STXBP3: variants seen among roughly 807,000 people sequenced by gnomAD.
The protein encoded by STXBP3 is syntaxin binding protein 3, also known as syntaxin-binding protein 3.
A neutral mutation model predicts 85.7 loss-of-function variants in STXBP3; 41 were observed. That is an observed-to-expected ratio of 0.48 (90% CI 0.37 to 0.62). STXBP3 has a LOEUF of 0.62. Among genes scored for constraint, STXBP3 ranks in the 20% least tolerant of loss-of-function variants. The probability of loss-of-function intolerance (pLI) is 0.00; values close to 1 mark genes in which losing one functional copy is unlikely to be tolerated. For missense variants in STXBP3, 563 were observed against 703.1 expected, an observed-to-expected ratio of 0.80 and a Z score of 2.25; for synonymous variants, 229 against 231.7, an observed-to-expected ratio of 0.99 and a Z score of 0.10.
chr1:108,760,141 CT>C (rs1230886181), intron 6 of STXBP3, 56 bp downstream of exon 6: 1 of 991,860 alleles, frequency 1.0e-6, no homozygotes. Flanking sequence ...GGTTTTATGG[CT>C]TATTGTTAAT....
chr1:108,779,161 G>T (rs753267532), intron 8 of STXBP3, 125 bp from the exon 9 acceptor site: 49 of 984,390 alleles, frequency 5.0e-5, no homozygotes, highest in Admixed American at 1.3e-4. Flanking sequence ...TTGTTCTGTT[G>T]TATGTTTTTG....
chr1:108,807,581 T>C (rs772382358), intron 18 of STXBP3, 32 bp downstream of exon 18: 2 of 1,551,704 alleles, frequency 1.3e-6, no homozygotes, highest in Non-Finnish European at 1.7e-6. Flanking sequence ...TTTCTGTTTT[T>C]TTTTTTTTTT....
At chr1:108,764,527 G>A (rs562045430) in intron 6 of STXBP3, among the ~76,000 whole-genome samples, 10 of 152,118 alleles carry the variant, frequency 6.6e-5, no homozygotes, top group East Asian at 1.9e-4. Context: ...GAATGTGAGC[G>A]TTGCCTTTTC....
intron 7 of STXBP3, 142 bp downstream of exon 7, chr1:108,772,961 T>C: frequency 1.3e-6 from 1 of 783,496 alleles, no homozygotes; most frequent in African/African-American, 1.8e-5. Flanking sequence ...ATAGGAGATT[T>C]AAAGCTTGTG....
At chr1:108,768,137 ATATT>A (rs1246844477) in intron 6 of STXBP3, among the ~76,000 whole-genome samples, 2 of 152,166 alleles carry the variant, frequency 1.3e-5, no homozygotes, top group African/African-American at 2.4e-5. Context: ...CTCTTTTTAA[ATATT>A]TATTTATTTG....
chr1:108,796,525 A>G, intron 14 of STXBP3, 95 bp from the exon 15 acceptor site: 2 of 1,261,462 alleles, frequency 1.6e-6, no homozygotes, highest in Non-Finnish European at 2.2e-6. Context: ...ACTGTTTTTT[A>G]TTTTAAAAGC....
chr1:108,777,175 G>T (rs1289259818), intron 8 of STXBP3, among the ~76,000 whole-genome samples: 1 of 152,066 alleles, frequency 6.6e-6, no homozygotes, highest in Non-Finnish European at 1.5e-5. Flanking sequence ...GTTTAGAAGA[G>T]GAGTTGTGCC....
chr1:108,786,677 A>C (rs1662837113), intron 11 of STXBP3, among the ~76,000 whole-genome samples: 2 of 152,204 alleles, frequency 1.3e-5, no homozygotes, highest in African/African-American at 4.8e-5. Flanking sequence ...CACTGTCTTA[A>C]CTAGTGTACC....
intron 15 of STXBP3, among the ~76,000 whole-genome samples, chr1:108,797,868 T>A (rs1358518894): frequency 6.6e-6 from 1 of 152,138 alleles, no homozygotes; most frequent in East Asian, 1.9e-4. Flanking sequence ...CCCTAGTAGC[T>A]GGGACTACAG....
intron 6 of STXBP3, among the ~76,000 whole-genome samples, chr1:108,762,984 T>C (rs1662172114): frequency 6.6e-6 from 1 of 152,206 alleles, no homozygotes; most frequent in African/African-American, 2.4e-5. Flanking sequence ...ACACATTCAG[T>C]GTTACAGCAA....
rs777375722 is a variant in STXBP3, at chr1:108,807,438, C to T, written c.1573C>T (p.Arg525Ter). The T allele has an allele frequency of 1.2e-6, 2 of 1,609,702 alleles. No homozygotes were observed. Among genetic ancestry groups the T allele is most frequent in the East Asian group, 2.2e-5 (1 of 44,824 alleles). The change falls in exon 18 of 19, where the codon CGA (arginine) becomes TGA (stop). Residue 525 changes from arginine to a stop codon, truncating the protein, a stop_gained. Transcript: ENST00000370008. LOFTEE classifies it high-confidence loss of function. ...QKPRANYLED[R>*]KNGSKLIVFV... is the part of the protein sequence containing the mutation. The stretch of plus-strand genomic sequence containing the variant: ...ACCCAGAGCTAATTATTTAGAAGAC[C>T]GAAAAAATGGGTCAAAGCTGATTGT...
intron 6 of STXBP3, among the ~76,000 whole-genome samples, chr1:108,763,193 A>G (rs1471682130): frequency 1.3e-5 from 2 of 152,246 alleles, no homozygotes; most frequent in Non-Finnish European, 2.9e-5. Context: ...AGACATAGCT[A>G]TATACATTCC....
intron 11 of STXBP3, among the ~76,000 whole-genome samples, chr1:108,783,526 A>G (rs1662762948): frequency 6.6e-6 from 1 of 152,176 alleles, no homozygotes. Flanking sequence ...TAGTAATACC[A>G]TTATGTAAAT....
chr1:108,756,601 T>G (rs1662026190), intron 3 of STXBP3, 89 bp from the exon 4 acceptor site: 1 of 652,202 alleles, frequency 1.5e-6, no homozygotes, highest in South Asian at 4.7e-5. Flanking sequence ...TTCATATTAT[T>G]ATAAATGGAA....
At chr1:108,746,842 G>A in intron 1 of STXBP3, 56 bp downstream of exon 1, 1 of 1,535,100 alleles carries the variant, frequency 6.5e-7, no homozygotes. Context: ...TGCCGTGCCG[G>A]GCCTCGTTTT....
At chr1:108,754,810 ATT>A in intron 3 of STXBP3, among the ~76,000 whole-genome samples, 1 of 152,276 alleles carries the variant, frequency 6.6e-6, no homozygotes, top group East Asian at 1.9e-4. Flanking sequence ...ACAGAAAGCT[ATT>A]TTTGAGAAGC....
rs1485205128 is a variant in STXBP3 at position 108,746,694 on chromosome 1, T to C, written c.-44T>C. 18 of 1,545,670 alleles carry C rather than the reference T, an allele frequency of 1.2e-5. No homozygotes were observed. Among genetic ancestry groups the C allele is most frequent in the Non-Finnish European group, 1.3e-5 (15 of 1,143,894 alleles). On this transcript the variant is annotated 5_prime_UTR_variant, in exon 1 of 19. Transcript: ENST00000370008. The stretch of plus-strand genomic sequence containing the variant: ...ACGCCGCTTCTGCGGCCAAAGTAGG[T>C]TGGGAGTGGAAGGTGGTGGCTGCTG...
chr1:108,783,365 T>G (rs1192157737), intron 11 of STXBP3, among the ~76,000 whole-genome samples: 1 of 152,176 alleles, frequency 6.6e-6, no homozygotes, highest in Non-Finnish European at 1.5e-5. Flanking sequence ...TCCAGAATAT[T>G]CCCTCTTGTC....
intron 7 of STXBP3, among the ~76,000 whole-genome samples, chr1:108,774,125 T>A (rs1208931306): frequency 2.0e-5 from 3 of 152,210 alleles, no homozygotes; most frequent in Non-Finnish European, 4.4e-5. Context: ...TTTTTGTTTT[T>A]GACTTCTTTG....
Sources: allele counts gnomAD v4.1 joint callset (sites outside exome capture counted in the v4.1 genomes callset), GRCh38; gene constraint gnomAD v4.1.1; transcripts MANE v1.5; gene names NCBI Gene and HGNC (gene_info 2026-07-23, HGNC 2026-07-21).